The following PKN2 variants were observed in gnomAD, a reference collection of about 807,000 sequenced individuals.
The protein encoded by PKN2 is protein kinase N2.
PKN2 carries 38 observed loss-of-function variants against 119.1 expected under a neutral mutation model. The observed-to-expected ratio is 0.32, with a 90% CI of 0.25 to 0.42. PKN2 has a LOEUF of 0.42. Among genes scored for constraint, PKN2 ranks in the 10% least tolerant of loss-of-function variants. The pLI is 1.00. For missense variants in PKN2, 850 were observed against 1,165.1 expected (o/e 0.73, Z 3.94); for synonymous variants, 390 against 384.9 (o/e 1.01, Z -0.15).
Position 88,805,510 on chromosome 1 carries a change from C to G in PKN2, c.1515C>G (p.Leu505=), listed in dbSNP as rs1570657751. The part of the protein sequence containing the change: ...IFSKQQGKTF[L]RAPQMNINIA... ...CAACATCTACAGGCAAAACATTTCTCAGAGCTCCTCAAATGAATATTAATA... is the reference window on the plus strand; with the variant it reads ...CAACATCTACAGGCAAAACATTTCTGAGAGCTCCTCAAATGAATATTAATA... The change falls in exon 11 of 22, where the codon CTC becomes CTG. Residue 505 remains leucine, a synonymous_variant. Transcript: ENST00000370521. 3 of 1,601,600 alleles carry G rather than the reference C, an allele frequency of 1.9e-6. No individual in the cohort carries two copies. In the East Asian group the frequency reaches 6.7e-5, roughly 36 times the overall value.
intron 8 of PKN2, among the ~76,000 whole-genome samples, chr1:88,794,936 C>G (rs1671001624): frequency 6.6e-6 from 1 of 152,216 alleles, no homozygotes; most frequent in South Asian, 2.1e-4. Context: ...CTTCTCTACT[C>G]TATATCCTGA....
chr1:88,792,504 G>A (rs932752099), intron 8 of PKN2, among the ~76,000 whole-genome samples: 2 of 152,120 alleles, frequency 1.3e-5, no homozygotes, highest in African/African-American at 2.4e-5. Flanking sequence ...CTTGAGCAAC[G>A]CAGGGGCTAG....
At chr1:88,742,106 AGCCAAG>A (rs1210223414) in intron 2 of PKN2, among the ~76,000 whole-genome samples, 2 of 152,156 alleles carry the variant, frequency 1.3e-5, no homozygotes, top group Non-Finnish European at 2.9e-5. Context: ...TTTAAGTTTA[AGCCAAG>A]GCCTCAAGAC....
In PKN2 at chr1:88,824,405, G is replaced by C. The variant is rs763168727; in HGVS notation, c.2419+19G>C. The C allele has an allele frequency of 7.0e-7, 1 of 1,421,194 alleles. No individual in the cohort carries two copies. The highest frequency in any genetic ancestry group is 9.9e-7 in the Non-Finnish European group (1 of 1,008,520). The allele number at this position is 1,421,194 out of a possible 1,614,324, so 88.0% of individuals were successfully genotyped here. ...AAAGAAGGTAATCGAATGTTTTTAAGTTTCTTTTCTGATTCAGAATTACTG... is the reference window on the plus strand; with the variant it reads ...AAAGAAGGTAATCGAATGTTTTTAACTTTCTTTTCTGATTCAGAATTACTG... On this transcript the variant is annotated intron_variant, in intron 18 of 21. Transcript: ENST00000370521.
intron 6 of PKN2, among the ~76,000 whole-genome samples, chr1:88,776,997 T>C (rs1033732632): frequency 1.3e-5 from 2 of 152,198 alleles, no homozygotes; most frequent in Non-Finnish European, 2.9e-5. Flanking sequence ...TTTCCAATCA[T>C]TTCTTCAAAT....
chr1:88,756,759 T>C (rs888780114), intron 2 of PKN2, among the ~76,000 whole-genome samples: 4 of 152,238 alleles, frequency 2.6e-5, no homozygotes, highest in Non-Finnish European at 5.9e-5. Context: ...AGTTCAATTA[T>C]GGACTTAACG....
At chr1:88,755,578 T>C (rs1669164473) in intron 2 of PKN2, among the ~76,000 whole-genome samples, 1 of 152,208 alleles carries the variant, frequency 6.6e-6, no homozygotes, top group African/African-American at 2.4e-5. Flanking sequence ...ACTGGCTACT[T>C]AGCTGAGCCC....
rs1449875672 is a variant in PKN2 at position 88,770,883 on chromosome 1, C to A, written c.622+414C>A. Among the ~76,000 whole-genome samples, 3 of 150,054 alleles carry A rather than the reference C, an allele frequency of 2.0e-5. No homozygotes were observed. The East Asian group carries it at 5.8e-4, about 29-fold the overall frequency. On this transcript the variant is annotated intron_variant, in intron 4 of 21. Coordinates refer to ENST00000370521, the MANE Select transcript of PKN2 (RefSeq NM_006256.4). ...TACAGGCGTGAGCCACCGCGCCCGG[C>A]CCTTTTTTTTTTTTTTAATCTTGAG...
At chr1:88,796,926 CTTTT>C (rs983424985) in intron 8 of PKN2, among the ~76,000 whole-genome samples, 3 of 140,660 alleles carry the variant, frequency 2.1e-5, no homozygotes, top group Non-Finnish European at 3.1e-5. Context: ...TTTGCTCAAC[CTTTT>C]TTTTTTTTTT....
At position 88,723,026 on chromosome 1, in the gene PKN2, C is replaced by T. The variant is rs946263266; in HGVS notation, c.49-17962C>T. On this transcript the variant is annotated intron_variant, in intron 1 of 21. Coordinates refer to ENST00000370521, the MANE Select transcript of PKN2 (RefSeq NM_006256.4). Reference sequence around the variant, plus strand: ...GGTGAGATCAAGGATCGCTTTCCACCTCGACCTGAAGGATAAGGAGTTAGC... The same window carrying T: ...GGTGAGATCAAGGATCGCTTTCCACTTCGACCTGAAGGATAAGGAGTTAGC... Among the ~76,000 whole-genome samples the T allele has an allele frequency of 2.0e-5, 3 of 152,108 alleles. No homozygotes were observed. The East Asian group carries it at 5.8e-4, about 29-fold the overall frequency.
intron 7 of PKN2, among the ~76,000 whole-genome samples, chr1:88,785,803 T>A (rs570016606): frequency 3.9e-5 from 6 of 152,250 alleles, no homozygotes; most frequent in African/African-American, 1.4e-4. Flanking sequence ...AAAAACTGAT[T>A]GATATTCACA....
chr1:88,790,537 C>A (rs1197356076), intron 8 of PKN2, among the ~76,000 whole-genome samples: 1 of 152,054 alleles, frequency 6.6e-6, no homozygotes, highest in Non-Finnish European at 1.5e-5. Context: ...TTCTGTGTCT[C>A]CCTTGATTTT....
chr1:88,728,902 T>C (rs1388559505), intron 1 of PKN2, among the ~76,000 whole-genome samples: 1 of 151,572 alleles, frequency 6.6e-6, no homozygotes, highest in Non-Finnish European at 1.5e-5. Flanking sequence ...ATCTTTTTTT[T>C]TTTTTTTTTT....
intron 3 of PKN2, 138 bp from the exon 4 acceptor site, chr1:88,770,214 G>A (rs1479506672): frequency 1.9e-6 from 1 of 529,146 alleles, no homozygotes; most frequent in Admixed American, 3.1e-5. Context: ...GTATCTATAA[G>A]ATATACTATA....
intron 8 of PKN2, among the ~76,000 whole-genome samples, chr1:88,795,496 C>G (rs1239608318): frequency 6.6e-6 from 1 of 152,090 alleles, no homozygotes; most frequent in Non-Finnish European, 1.5e-5. Context: ...TCTTCCTCAC[C>G]CTCCCATATG....
chr1:88,830,225 C>G (rs1312723311), intron 19 of PKN2, among the ~76,000 whole-genome samples: 1 of 152,084 alleles, frequency 6.6e-6, no homozygotes, highest in Non-Finnish European at 1.5e-5. Flanking sequence ...CTTTGCTGCT[C>G]CAGGACAGGA....
intron 6 of PKN2, among the ~76,000 whole-genome samples, chr1:88,774,519 G>A (rs528173155): frequency 1.3e-5 from 2 of 152,184 alleles, no homozygotes; most frequent in East Asian, 1.9e-4. Flanking sequence ...ATCACTGGGG[G>A]AAATTCCAAA....
intron 6 of PKN2, among the ~76,000 whole-genome samples, chr1:88,780,652 G>A (rs1670298082): frequency 1.3e-5 from 2 of 152,130 alleles, no homozygotes; most frequent in African/African-American, 2.4e-5. Context: ...CAGGATATTT[G>A]ATACATTCAA....
intron 1 of PKN2, among the ~76,000 whole-genome samples, chr1:88,698,329 C>T (rs1666622632): frequency 6.6e-6 from 1 of 152,158 alleles, no homozygotes; most frequent in African/African-American, 2.4e-5. Flanking sequence ...CAGAGATTCA[C>T]TCAAGGACCC....
Sources: gnomAD v4.1 joint callset for allele counts (sites outside exome capture counted in the v4.1 genomes callset) on GRCh38, gnomAD v4.1.1 for gene constraint, MANE v1.5 for transcripts, NCBI Gene and HGNC (gene_info 2026-07-23, HGNC 2026-07-21) for gene names.